The following CTBP2 variants were observed in gnomAD, a reference collection of about 807,000 sequenced individuals.
CTBP2 encodes the protein C-terminal binding protein 2.
CTBP2 carries 30 observed loss-of-function variants against 80.3 expected under a neutral mutation model. The observed-to-expected ratio is 0.37, with a 90% CI of 0.28 to 0.51. The LOEUF is 0.51. Ranked by LOEUF, CTBP2 falls within the 20% of genes least tolerant of loss-of-function variation. CTBP2 has a pLI of 0.93. For synonymous variants in CTBP2, 594 were observed against 587.4 expected (o/e 1.01, Z -0.16); for missense variants, 1,212 against 1,375.3 (o/e 0.88, Z 1.88).
At chr10:125,046,150 C>T (rs1265581802) in intron 2 of CTBP2, among the ~76,000 whole-genome samples, 1 of 152,102 alleles carries the variant, frequency 6.6e-6, no homozygotes, top group East Asian at 1.9e-4. Context: ...AACAGATAAT[C>T]ATACTGACCC....
Position 124,993,295 on chromosome 10 carries a change from G to C in CTBP2, c.2566C>G (p.Leu856Val), listed in dbSNP as rs1044101401. The stretch of plus-strand genomic sequence containing the variant: ...CAGGCAGTGTGAGGAGTGCAGATGA[G>C]ATTCGGGGCATCTTTCAACGGACCC... The change falls in exon 7 of 9, where the codon CTC becomes GTC. Residue 856 changes from leucine to valine, a missense_variant. Leu to Val is a conservative substitution (Grantham distance 32). Around this residue, in one of 3 missense-constraint regions of CTBP2, gnomAD observed 335 missense variants for 504.7 expected, o/e 0.66. Coordinates refer to ENST00000309035, the MANE Select transcript of CTBP2 (RefSeq NM_022802.3). The C allele has an allele frequency of 6.2e-7, 1 of 1,610,038 alleles. No individual in the cohort carries two copies. Among genetic ancestry groups the C allele is most frequent in the African/African-American group, 1.3e-5 (1 of 74,874 alleles).
intron 1 of CTBP2, among the ~76,000 whole-genome samples, chr10:125,126,240 G>C (rs2136083700): frequency 6.6e-6 from 1 of 152,318 alleles, no homozygotes. Flanking sequence ...TCACCTGGCA[G>C]GGTCGAGAGG....
At chr10:125,007,728 C>T (rs762426926) in intron 1 of CTBP2, among the ~76,000 whole-genome samples, 1 of 152,188 alleles carries the variant, frequency 6.6e-6, no homozygotes, top group Non-Finnish European at 1.5e-5. Context: ...TGCAGTGTTT[C>T]TGAGACCCAT....
At chr10:125,092,766 C>G (rs995180503) in intron 2 of CTBP2, among the ~76,000 whole-genome samples, 1 of 152,204 alleles carries the variant, frequency 6.6e-6, no homozygotes, top group Non-Finnish European at 1.5e-5. Context: ...CTGTTTCTTC[C>G]AGAACGTACC....
chr10:125,065,314 A>G (rs1346614905), intron 2 of CTBP2, among the ~76,000 whole-genome samples: 3 of 151,034 alleles, frequency 2.0e-5, no homozygotes, highest in African/African-American at 7.4e-5. Flanking sequence ...CTTTGTGATG[A>G]TTTCCTGTGC....
At chr10:125,048,799 C>G (rs1961916808) in intron 2 of CTBP2, among the ~76,000 whole-genome samples, 1 of 152,180 alleles carries the variant, frequency 6.6e-6, no homozygotes, top group Non-Finnish European at 1.5e-5. Flanking sequence ...GCAAATGCCC[C>G]TTAGGCTTTC....
At chr10:125,148,011 T>G (rs932135638) in intron 1 of CTBP2, among the ~76,000 whole-genome samples, 1 of 152,188 alleles carries the variant, frequency 6.6e-6, no homozygotes, top group Non-Finnish European at 1.5e-5. Flanking sequence ...ACCCTCATTT[T>G]ACAGATTCAG....
intron 2 of CTBP2, among the ~76,000 whole-genome samples, chr10:125,084,761 AC>A (rs912985048): frequency 1.4e-5 from 2 of 148,050 alleles, no homozygotes; most frequent in African/African-American, 5.0e-5. Flanking sequence ...GTGTCCCAGC[AC>A]CCCCGCCTTC....
chr10:124,992,248 G>C (rs997534003), intron 8 of CTBP2, among the ~76,000 whole-genome samples: 1 of 148,584 alleles, frequency 6.7e-6, no homozygotes, highest in Non-Finnish European at 1.5e-5. Context: ...GTGGGGTCGG[G>C]GGGTAGCAGC....
At chr10:125,075,685 C>T (rs190379640) in intron 2 of CTBP2, among the ~76,000 whole-genome samples, 7 of 152,272 alleles carry the variant, frequency 4.6e-5, no homozygotes, top group African/African-American at 1.4e-4. Context: ...ACCCAAATAG[C>T]CAATGAAAAG....
chr10:125,159,373 C>G (rs933844357), intron 1 of CTBP2, among the ~76,000 whole-genome samples: 1 of 146,440 alleles, frequency 6.8e-6, no homozygotes, highest in Non-Finnish European at 1.5e-5. Flanking sequence ...GTGGTGCCCG[C>G]GGGAGCGCGG....
intron 1 of CTBP2, among the ~76,000 whole-genome samples, chr10:125,015,192 C>G (rs60306160): frequency 6.6e-6 from 1 of 152,110 alleles, no homozygotes; most frequent in East Asian, 1.9e-4. Flanking sequence ...TCTCAGGCAG[C>G]GGATTCACGC....
At chr10:125,097,428 A>C (rs999183499) in intron 2 of CTBP2, among the ~76,000 whole-genome samples, 4 of 152,340 alleles carry the variant, frequency 2.6e-5, no homozygotes, top group South Asian at 2.1e-4. Context: ...GAACAGTTAC[A>C]ATGGATGACT....
At chr10:125,152,122 G>C (rs1860074225) in intron 1 of CTBP2, among the ~76,000 whole-genome samples, 1 of 152,070 alleles carries the variant, frequency 6.6e-6, no homozygotes, top group African/African-American at 2.4e-5. Flanking sequence ...CGCGCCGCCA[G>C]GTGTTCTGGC....
At chr10:125,149,787 G>T (rs1007867022) in intron 1 of CTBP2, among the ~76,000 whole-genome samples, 2 of 152,182 alleles carry the variant, frequency 1.3e-5, no homozygotes, top group Non-Finnish European at 2.9e-5. Flanking sequence ...GGGAGCTCCC[G>T]CATCACCTGC....
chr10:125,123,745 C>A (rs1478052422), intron 1 of CTBP2, among the ~76,000 whole-genome samples: 1 of 152,172 alleles, frequency 6.6e-6, no homozygotes, highest in Non-Finnish European at 1.5e-5. Flanking sequence ...GAACCCTGAC[C>A]TTCTCTCACT....
chr10:125,114,549 C>A (rs1042371746), intron 1 of CTBP2, among the ~76,000 whole-genome samples: 2 of 151,984 alleles, frequency 1.3e-5, no homozygotes, highest in Non-Finnish European at 2.9e-5. Context: ...GTGTTTTGTT[C>A]TTATACTAAG....
intron 1 of CTBP2, among the ~76,000 whole-genome samples, chr10:125,148,265 G>A (rs568563411): frequency 3.3e-5 from 5 of 152,214 alleles, no homozygotes; most frequent in East Asian, 1.9e-4. Flanking sequence ...TTCAAAGTGC[G>A]CTGCCGGGGC....
chr10:125,025,731 G>C (rs1449776458), intron 1 of CTBP2, among the ~76,000 whole-genome samples: 1 of 152,164 alleles, frequency 6.6e-6, no homozygotes, highest in Non-Finnish European at 1.5e-5. Context: ...TACAGAAAGG[G>C]CCACCCCTCG....
Sources: gnomAD v4.1 joint callset for allele counts (sites outside exome capture counted in the v4.1 genomes callset) on GRCh38, gnomAD v4.1.1 for gene constraint, gnomAD v4.1.1 regional missense constraint, MANE v1.5 for transcripts, NCBI Gene and HGNC (gene_info 2026-07-23, HGNC 2026-07-21) for gene names.